The following GALNT17 variants were observed in gnomAD, a reference collection of about 807,000 sequenced individuals.
GALNT17 encodes polypeptide N-acetylgalactosaminyltransferase 17.
Under a neutral mutation model 63.7 loss-of-function variants are expected in GALNT17, and 29 were observed. That is an observed-to-expected ratio of 0.46 (90% CI 0.34 to 0.62). The LOEUF is 0.62. Ranked by LOEUF, GALNT17 falls within the 20% of genes least tolerant of loss-of-function variation. The probability of loss-of-function intolerance (pLI) is 0.01; values close to 1 mark genes in which losing one functional copy is unlikely to be tolerated. For missense variants in GALNT17, 603 were observed against 799.6 expected, an observed-to-expected ratio of 0.75 and a Z score of 2.97; for synonymous variants, 305 against 318.3, an observed-to-expected ratio of 0.96 and a Z score of 0.45.
intron 1 of GALNT17, among the ~76,000 whole-genome samples, chr7:71,330,866 G>T (rs1791796160): frequency 6.6e-6 from 1 of 151,984 alleles, no homozygotes; most frequent in African/African-American, 2.4e-5. Context: ...CAAGGGATAG[G>T]GTAGTCAGTG....
At chr7:71,590,791 G>A (rs1042421649) in intron 6 of GALNT17, among the ~76,000 whole-genome samples, 19 of 152,040 alleles carry the variant, frequency 1.2e-4, no homozygotes, top group Admixed American at 5.2e-4. Context: ...GTAGTGGCTC[G>A]ATCTCGGCTC....
At chr7:71,163,091 C>T (rs1788377611) in intron 1 of GALNT17, among the ~76,000 whole-genome samples, 1 of 152,164 alleles carries the variant, frequency 6.6e-6, no homozygotes, top group Non-Finnish European at 1.5e-5. Context: ...GAAGAAAGCA[C>T]TGTTAAGATG....
intron 1 of GALNT17, among the ~76,000 whole-genome samples, chr7:71,193,529 G>T (rs1464666861): frequency 6.8e-6 from 1 of 147,964 alleles, no homozygotes; most frequent in Non-Finnish European, 1.5e-5. Context: ...CTGGGAGAAG[G>T]TGTCAGCAGT....
chr7:71,520,461 T>C (rs965534240), intron 5 of GALNT17, among the ~76,000 whole-genome samples: 1 of 151,710 alleles, frequency 6.6e-6, no homozygotes, highest in South Asian at 2.1e-4. Context: ...AGGCGGAGGT[T>C]GTAGTGAGCT....
In GALNT17 at chr7:71,525,399, G is replaced by T. The variant is rs984614680; in HGVS notation, c.963-45886G>T. Among the ~76,000 whole-genome samples the T allele has an allele frequency of 3.3e-5, 5 of 152,110 alleles. No homozygotes were observed. The East Asian group carries it at 9.7e-4, about 29-fold the overall frequency. ...TTTTTTGTATTTTTAGTAGAGACGG[G>T]GTTTCACTGTGTTAGCCAGGATGGT... On this transcript the variant is annotated intron_variant, in intron 5 of 10. Transcript: ENST00000333538.
intron 1 of GALNT17, among the ~76,000 whole-genome samples, chr7:71,233,149 C>G (rs1331760215): frequency 6.6e-6 from 1 of 152,196 alleles, no homozygotes; most frequent in East Asian, 1.9e-4. Flanking sequence ...TGGTGGCTCT[C>G]TGCCCCACAC....
At chr7:71,518,399 A>G (rs899013582) in intron 5 of GALNT17, among the ~76,000 whole-genome samples, 6 of 152,150 alleles carry the variant, frequency 3.9e-5, no homozygotes, top group Non-Finnish European at 8.8e-5. Context: ...GCTTTCCCCA[A>G]GGAACTCTGG....
chr7:71,683,741 C>G (rs745875731), intron 9 of GALNT17, among the ~76,000 whole-genome samples: 1 of 152,160 alleles, frequency 6.6e-6, no homozygotes, highest in Non-Finnish European at 1.5e-5. Flanking sequence ...GGCGCACTGG[C>G]TCACGCTTGT....
chr7:71,233,086 C>T (rs535501242), intron 1 of GALNT17, among the ~76,000 whole-genome samples: 2 of 152,314 alleles, frequency 1.3e-5, no homozygotes, highest in Admixed American at 1.3e-4. Flanking sequence ...AGGGCTTCTT[C>T]ACCAACCCGG....
At chr7:71,186,972 C>T (rs190657395) in intron 1 of GALNT17, among the ~76,000 whole-genome samples, 59 of 152,288 alleles carry the variant, frequency 3.9e-4, no homozygotes, top group African/African-American at 1.4e-3. Context: ...TTACTTTCAT[C>T]TCCCAGGTCC....
At chr7:71,184,003 C>T (rs926430768) in intron 1 of GALNT17, among the ~76,000 whole-genome samples, 3 of 152,174 alleles carry the variant, frequency 2.0e-5, no homozygotes, top group African/African-American at 7.2e-5. Context: ...GAAGTCCTAA[C>T]CTCCAGCACC....
At chr7:71,350,770 G>A (rs1453662513) in intron 2 of GALNT17, among the ~76,000 whole-genome samples, 1 of 152,168 alleles carries the variant, frequency 6.6e-6, no homozygotes, top group East Asian at 1.9e-4. Context: ...ACTGTAGAGA[G>A]TAAATGGAAA....
chr7:71,701,362 C>T (rs1413078382), intron 9 of GALNT17, among the ~76,000 whole-genome samples: 1 of 151,984 alleles, frequency 6.6e-6, no homozygotes, highest in Non-Finnish European at 1.5e-5. Context: ...TGGCAGGTGC[C>T]TGTAATCCTG....
intron 1 of GALNT17, among the ~76,000 whole-genome samples, chr7:71,314,255 CTGTGTGTGTGTG>C (rs148641128): frequency 6.7e-6 from 1 of 150,324 alleles, no homozygotes; most frequent in Non-Finnish European, 1.5e-5. Context: ...GAGTGTGTGT[CTGTGTGTGTGTG>C]TGTGTCCGTG....
At position 71,637,091 on chromosome 7, in the gene GALNT17, C is replaced by T. The variant is rs531125274; in HGVS notation, c.1081-28320C>T. Among the ~76,000 whole-genome samples the T allele has an allele frequency of 6.9e-4, 105 of 152,256 alleles. 1 individual carries two copies. Among genetic ancestry groups the T allele is most frequent in the African/African-American group, 2.4e-3 (100 of 41,558 alleles). On this transcript the variant is annotated intron_variant, in intron 6 of 10. Coordinates refer to ENST00000333538, the MANE Select transcript of GALNT17 (RefSeq NM_022479.3). ...TAGCACATAACTCATCATGTTATTACGTGATCGAATTAACAAGGAGTTAAT... is the reference window on the plus strand; with the variant it reads ...TAGCACATAACTCATCATGTTATTATGTGATCGAATTAACAAGGAGTTAAT...
At chr7:71,700,266 C>T (rs149699765) in intron 9 of GALNT17, among the ~76,000 whole-genome samples, 1 of 151,826 alleles carries the variant, frequency 6.6e-6, no homozygotes, top group African/African-American at 2.4e-5. Context: ...CGAGATCACG[C>T]CACTGCACTA....
chr7:71,523,612 G>A (rs1788565521), intron 5 of GALNT17, among the ~76,000 whole-genome samples: 1 of 151,814 alleles, frequency 6.6e-6, no homozygotes, highest in East Asian at 2.0e-4. Flanking sequence ...AAAATTAGTG[G>A]GGTGCGGTGG....
chr7:71,135,693 G>C (rs184041028), intron 1 of GALNT17, among the ~76,000 whole-genome samples: 1 of 152,298 alleles, frequency 6.6e-6, no homozygotes, highest in African/African-American at 2.4e-5. Context: ...CAGGGCCCTC[G>C]ACCCACTGCC....
At chr7:71,549,029 C>A (rs919839655) in intron 5 of GALNT17, among the ~76,000 whole-genome samples, 2 of 152,166 alleles carry the variant, frequency 1.3e-5, no homozygotes, top group Non-Finnish European at 2.9e-5. Flanking sequence ...AGGAATGCCC[C>A]TTGCCAGCTA....
Sources: allele counts gnomAD v4.1 joint callset (sites outside exome capture counted in the v4.1 genomes callset), GRCh38; gene constraint gnomAD v4.1.1; transcripts MANE v1.5; gene names NCBI Gene and HGNC (gene_info 2026-07-23, HGNC 2026-07-21).